Variants in INPP5D observed in about 807,000 individuals in gnomAD.
INPP5D encodes the protein inositol polyphosphate-5-phosphatase D.
INPP5D carries 33 observed loss-of-function variants against 122.9 expected under a neutral mutation model. That is an observed-to-expected ratio of 0.27 (90% CI 0.20 to 0.36). The LOEUF (loss-of-function observed/expected upper bound fraction) is 0.36. Ranked by LOEUF, INPP5D falls within the 10% of genes least tolerant of loss-of-function variation. The pLI, the probability that INPP5D is intolerant of heterozygous loss-of-function variation, is 1.00. For synonymous variants in INPP5D, 584 were observed against 576.2 expected, an observed-to-expected ratio of 1.01 and a Z score of -0.19; for missense variants, 1,053 against 1,412.7, an observed-to-expected ratio of 0.75 and a Z score of 4.08.
rs550020884 is a variant in INPP5D, at chr2:233,157,395, A to G, written c.1031-918A>G. On this transcript the variant is annotated intron_variant, in intron 9 of 26. Transcript: ENST00000445964. ...CTGATGAAAGTAGTTGGTCACATGG[A>G]AAAGAGAGTTATAAACTGGGGAAGA... is the stretch of plus-strand genomic sequence containing the variant. 1.6e-3 allele frequency among the ~76,000 whole-genome samples: 249 copies of G among 152,154 alleles called. 1 individual carries two copies. Among genetic ancestry groups the G allele is most frequent in the African/African-American group, 5.7e-3 (238 of 41,416 alleles).
chr2:233,107,200 T>TGGGTAGGCAGG (rs367705053), intron 2 of INPP5D, among the ~76,000 whole-genome samples: 3 of 151,770 alleles, frequency 2.0e-5, no homozygotes, highest in African/African-American at 4.8e-5. Flanking sequence ...GGGCTGCTGG[T>TGGGTAGGCAGG]GGGTAGGCAG....
chr2:233,083,132 AGCGATGTGGCCTTGG>A (rs1277998650), intron 2 of INPP5D, among the ~76,000 whole-genome samples: 1 of 152,254 alleles, frequency 6.6e-6, no homozygotes, highest in African/African-American at 2.4e-5. Flanking sequence ...CAATTTGGTC[AGCGATGTGGCCTTGG>A]GCAAGGACTG....
At chr2:233,144,067 A>T (rs1693684693) in intron 6 of INPP5D, among the ~76,000 whole-genome samples, 1 of 135,558 alleles carries the variant, frequency 7.4e-6, no homozygotes. Context: ...GGAGGTGGTC[A>T]TGATCATGGA....
intron 2 of INPP5D, among the ~76,000 whole-genome samples, chr2:233,116,246 TAG>T (rs746823296): frequency 3.1e-4 from 14 of 45,452 alleles, no homozygotes; most frequent in Non-Finnish European, 4.3e-4. Context: ...GATAGATAGA[TAG>T]ATAGATATAG....
At chr2:233,154,350 T>C (rs1176705205) in intron 9 of INPP5D, among the ~76,000 whole-genome samples, 1 of 152,196 alleles carries the variant, frequency 6.6e-6, no homozygotes, top group Non-Finnish European at 1.5e-5. Flanking sequence ...GGTTTCACCA[T>C]GCTGGCCAGG....
At chr2:233,067,712 A>G (rs1053398302) in intron 1 of INPP5D, among the ~76,000 whole-genome samples, 1 of 152,116 alleles carries the variant, frequency 6.6e-6, no homozygotes, top group Admixed American at 6.5e-5. Flanking sequence ...TATCTTTTTT[A>G]TTATAGCCAT....
At chr2:233,112,227 C>T (rs1692652171) in intron 2 of INPP5D, among the ~76,000 whole-genome samples, 1 of 152,152 alleles carries the variant, frequency 6.6e-6, no homozygotes, top group Non-Finnish European at 1.5e-5. Context: ...AATTGGCATT[C>T]CACTGTGGGG....
At chr2:233,098,195 G>T (rs1376260611) in intron 2 of INPP5D, among the ~76,000 whole-genome samples, 1 of 152,118 alleles carries the variant, frequency 6.6e-6, no homozygotes, top group Admixed American at 6.5e-5. Context: ...ACCCGGCCTT[G>T]GTTGTCTCAC....
At position 233,100,749 on chromosome 2, in the gene INPP5D, C is replaced by T. The variant is rs56159726; in HGVS notation, c.198+21351C>T. Among the ~76,000 whole-genome samples, 10,665 of 152,288 alleles carry T rather than the reference C, an allele frequency of 0.07. 552 individuals are homozygous for T. The highest frequency in any genetic ancestry group is 0.14 in the African/African-American group (5,653 of 41,540). On this transcript the variant is annotated intron_variant, in intron 2 of 26. Transcript: ENST00000445964. The surrounding 1 kb of genome is among the most constrained non-coding windows in gnomAD (Gnocchi z 5.3). ...CTTTGCAGGTGTGACCTGTCTGCTC[C>T]TGTTAGAGCCTCCTTTCCCCAGAGG...
chr2:233,198,242 G>A lies in INPP5D; in HGVS notation c.2841G>A (p.Pro947=), dbSNP rs149834358. ...QQPTAWSYDQ[P]PKDSPLGPCR... ...CCACAGCCTGGAGCTACGACCAGCC[G>A]CCCAAGGACTCCCCGCTGGGGCCCT... Residue 947 remains proline (P), a synonymous_variant, in exon 25 of 27, where the codon CCG becomes CCA. Transcript: ENST00000445964. The A allele has an allele frequency of 7.1e-5, 115 of 1,613,530 alleles. No homozygotes were observed. In the East Asian group the frequency reaches 1.7e-3, roughly 23 times the overall value.
chr2:233,169,569 A>C (rs68160732), intron 14 of INPP5D, 168 bp downstream of exon 14: 51,128 of 1,041,010 alleles, frequency 0.049, 1,692 homozygotes, highest in East Asian at 0.17. Flanking sequence ...CTGCAGCACC[A>C]TAGTGACCTC....
chr2:233,145,891 G>A (rs1450067889), intron 6 of INPP5D: 9 of 624,890 alleles, frequency 1.4e-5, no homozygotes, highest in Admixed American at 4.2e-5. Flanking sequence ...CTCGAGTTTT[G>A]TTTAAGCAAC....
At chr2:233,140,056 G>A (rs886705486) in intron 6 of INPP5D, 127 bp downstream of exon 6, 53 of 388,978 alleles carry the variant, frequency 1.4e-4, no homozygotes, top group Non-Finnish European at 2.7e-5. Flanking sequence ...GCAACAGCAA[G>A]CAGGTACGCA....
Position 233,182,352 on chromosome 2 carries a change from T to C in INPP5D, c.2072-58T>C, listed in dbSNP as rs999424542. 57 of 1,606,960 alleles carry C rather than the reference T, an allele frequency of 3.5e-5. No individual in the cohort carries two copies. The African/African-American group carries it at 7.3e-4, about 21-fold the overall frequency. Reference sequence around the variant, plus strand: ...CTTTCTGCTTTAGGGTTGCCATCCTTGGCCTGACCGGAAGGGCTTCTCCTT... The same window carrying C: ...CTTTCTGCTTTAGGGTTGCCATCCTCGGCCTGACCGGAAGGGCTTCTCCTT... On this transcript the variant is annotated intron_variant, in intron 18 of 26. Coordinates refer to ENST00000445964, the MANE Select transcript of INPP5D (RefSeq NM_001017915.3).
intron 2 of INPP5D, among the ~76,000 whole-genome samples, chr2:233,086,119 CTCTTTCTTTCTTTCTT>C (rs10539341): frequency 0.039 from 3,620 of 93,894 alleles, 62 homozygotes; most frequent in South Asian, 0.046. Flanking sequence ...ATAAGATAGC[CTCTTTCTTTCTTTCTT>C]TCTTTCTTTC....
chr2:233,092,182 G>T (rs1209769665), intron 2 of INPP5D, among the ~76,000 whole-genome samples: 1 of 152,218 alleles, frequency 6.6e-6, no homozygotes, highest in Admixed American at 6.5e-5. Flanking sequence ...GTGACTGGGG[G>T]CCCGAGCTGC....
Position 233,188,533 on chromosome 2 carries a change from C to T in INPP5D, c.2359-1317C>T, listed in dbSNP as rs1239403825. On this transcript the variant is annotated intron_variant, in intron 21 of 26. Coordinates refer to ENST00000445964, the MANE Select transcript of INPP5D (RefSeq NM_001017915.3). The surrounding 1 kb of genome is among the most constrained non-coding windows in gnomAD (Gnocchi z 4.7). Reference sequence around the variant, plus strand: ...TGCAGCTGTAGAACCCTGGAGTACCCAGAGCTCCACTGCAGTTTCCAGTCA... The same window carrying T: ...TGCAGCTGTAGAACCCTGGAGTACCTAGAGCTCCACTGCAGTTTCCAGTCA... 6.6e-6 allele frequency among the ~76,000 whole-genome samples: 1 copy of T among 152,132 alleles called. No individual in the cohort carries two copies. The highest frequency in any genetic ancestry group is 1.9e-4 in the East Asian group (1 of 5,200).
intron 2 of INPP5D, among the ~76,000 whole-genome samples, chr2:233,112,684 T>A (rs951439459): frequency 6.6e-5 from 10 of 152,176 alleles, no homozygotes; most frequent in African/African-American, 1.9e-4. Flanking sequence ...TATCTTTTTT[T>A]TAAAAAATAC....
intron 18 of INPP5D, among the ~76,000 whole-genome samples, chr2:233,182,164 A>C (rs569229151): frequency 2.3e-4 from 35 of 152,324 alleles, no homozygotes; most frequent in African/African-American, 8.4e-4. Context: ...CTCCCTAATC[A>C]ATTCAAAAAG....
Sources: allele counts gnomAD v4.1 joint callset (sites outside exome capture counted in the v4.1 genomes callset), GRCh38; gene constraint gnomAD v4.1.1; non-coding constraint Gnocchi (gnomAD v3.1); transcripts MANE v1.5; gene names NCBI Gene and HGNC (gene_info 2026-07-23, HGNC 2026-07-21).